FBXL7: variants seen among roughly 807,000 people sequenced by gnomAD.
FBXL7 encodes the protein F-box/LRR-repeat protein 7.
FBXL7 carries 12 observed loss-of-function variants against 38.3 expected under a neutral mutation model. The observed-to-expected ratio is 0.31, with a 90% CI of 0.20 to 0.51. The LOEUF is 0.51. FBXL7 is among the 20% of genes least tolerant of loss of function. FBXL7 has a pLI of 0.98. For synonymous variants in FBXL7, 297 were observed against 300.9 expected (o/e 0.99, Z 0.13); for missense variants, 567 against 676.4 (o/e 0.84, Z 1.79).
chr5:15,804,747 C>G (rs1026939187), intron 2 of FBXL7, among the ~76,000 whole-genome samples: 1 of 152,096 alleles, frequency 6.6e-6, no homozygotes, highest in African/African-American at 2.4e-5. Flanking sequence ...TGATTGTGAA[C>G]TGCACATGTG....
chr5:15,929,719 G>A (rs1285016510), intron 3 of FBXL7, among the ~76,000 whole-genome samples: 1 of 151,808 alleles, frequency 6.6e-6, no homozygotes. Context: ...TTAAAGCCCA[G>A]ACTCACACTT....
chr5:15,873,911 T>C (rs1579551987), intron 2 of FBXL7, among the ~76,000 whole-genome samples: 2 of 152,260 alleles, frequency 1.3e-5, no homozygotes, highest in East Asian at 1.9e-4. Flanking sequence ...CCCTAACTCA[T>C]TTTTTATGAG....
chr5:15,897,094 C>T (rs982062209), intron 2 of FBXL7, among the ~76,000 whole-genome samples: 4 of 152,160 alleles, frequency 2.6e-5, no homozygotes, highest in African/African-American at 9.7e-5. Context: ...GATTGTGCCA[C>T]TGCACTCCAG....
chr5:15,755,930 A>G (rs1211267770), intron 2 of FBXL7, among the ~76,000 whole-genome samples: 1 of 152,232 alleles, frequency 6.6e-6, no homozygotes, highest in Non-Finnish European at 1.5e-5. Context: ...GCAGTGGAGG[A>G]GAAGTCAGAG....
rs911692193 is a variant in FBXL7 at position 15,937,681 on chromosome 5, G to A, written c.*495G>A. The A allele has an allele frequency of 6.3e-6, 1 of 158,650 alleles. No individual in the cohort carries two copies. The highest frequency in any genetic ancestry group is 1.4e-5 in the Non-Finnish European group (1 of 71,760). 9.8% of individuals were successfully genotyped at this position (158,650 alleles called of 1,614,324 possible). ...CACTCTCTTCAATCCCACACCCATGGACATTCTTGTCAACTCAATACCATA... is the reference window on the plus strand; with the variant it reads ...CACTCTCTTCAATCCCACACCCATGAACATTCTTGTCAACTCAATACCATA... On this transcript the variant is annotated 3_prime_UTR_variant, in exon 4 of 4. Coordinates refer to ENST00000504595, the MANE Select transcript of FBXL7 (RefSeq NM_012304.5).
intron 2 of FBXL7, among the ~76,000 whole-genome samples, chr5:15,916,276 A>G (rs1190678028): frequency 1.3e-5 from 2 of 152,174 alleles, no homozygotes; most frequent in Admixed American, 6.5e-5. Context: ...TTAATTTCCA[A>G]TAGTCACCTG....
intron 1 of FBXL7, among the ~76,000 whole-genome samples, chr5:15,527,141 G>C (rs529387091): frequency 6.6e-6 from 1 of 152,094 alleles, no homozygotes; most frequent in African/African-American, 2.4e-5. Context: ...TTCAGCTTTT[G>C]TTTTGTTTTG....
At chr5:15,782,919 A>G (rs1322832135) in intron 2 of FBXL7, among the ~76,000 whole-genome samples, 1 of 152,176 alleles carries the variant, frequency 6.6e-6, no homozygotes, top group Non-Finnish European at 1.5e-5. Flanking sequence ...TTTATTTAGT[A>G]GAATGGCCAG....
chr5:15,851,829 C>T (rs1206751989), intron 2 of FBXL7, among the ~76,000 whole-genome samples: 1 of 145,086 alleles, frequency 6.9e-6, no homozygotes, highest in African/African-American at 2.7e-5. Flanking sequence ...CACACACACA[C>T]ACACACACAC....
intron 2 of FBXL7, among the ~76,000 whole-genome samples, chr5:15,838,998 TTAA>T (rs1738670297): frequency 6.6e-6 from 1 of 152,210 alleles, no homozygotes; most frequent in East Asian, 1.9e-4. Context: ...TTGTTTGTTT[TTAA>T]AACCTTTTCA....
intron 3 of FBXL7, among the ~76,000 whole-genome samples, chr5:15,929,625 GAAAA>G (rs60269538): frequency 0.28 from 31,145 of 113,118 alleles, 3,357 homozygotes; most frequent in Admixed American, 0.37. Context: ...CCCTGTCTCT[GAAAA>G]AAAAAAAAAA....
chr5:15,848,375 G>A (rs1192606036), intron 2 of FBXL7, among the ~76,000 whole-genome samples: 4 of 151,812 alleles, frequency 2.6e-5, no homozygotes, highest in African/African-American at 9.7e-5. Flanking sequence ...GTATATGCAT[G>A]CATGCATTTT....
chr5:15,541,443 G>GTGTATA lies in FBXL7; in HGVS notation c.37+40731_37+40732insGTATAT, dbSNP rs1264820921. Among the ~76,000 whole-genome samples the GTGTATA allele has an allele frequency of 1.8e-3, 69 of 38,434 alleles. 1 individual carries two copies. The highest frequency in any genetic ancestry group is 4.6e-3 in the East Asian group (6 of 1,308). 25.2% of individuals were successfully genotyped at this position (38,434 alleles called of 152,430 possible). A position where few individuals can be genotyped will look rare whatever the true frequency, so the allele number is the denominator to read the frequency against. On this transcript the variant is annotated intron_variant, in intron 1 of 3. Transcript: ENST00000504595. Reference sequence around the variant, plus strand: ...ACATATAGTATATATGTGTGTGTGTGTATATATATATATATATATATATAT... The same window carrying GTGTATA: ...ACATATAGTATATATGTGTGTGTGTGTGTATATATATATATATATATATATATATAT...
chr5:15,839,992 A>G (rs150501117), intron 2 of FBXL7, among the ~76,000 whole-genome samples: 1,783 of 152,294 alleles, frequency 0.012, 16 homozygotes, highest in Admixed American at 0.018. Flanking sequence ...TGAATAAACC[A>G]TTTTTGTCCA....
intron 2 of FBXL7, among the ~76,000 whole-genome samples, chr5:15,801,656 T>TGC (rs200772597): frequency 1.1e-3 from 160 of 147,020 alleles, no homozygotes; most frequent in South Asian, 2.6e-3. Context: ...TGTGTGTGTG[T>TGC]GCGCGCGCGC....
At chr5:15,765,405 G>C (rs1736559201) in intron 2 of FBXL7, among the ~76,000 whole-genome samples, 1 of 152,070 alleles carries the variant, frequency 6.6e-6, no homozygotes. Flanking sequence ...ATCAAGCAGA[G>C]ACTTTAGTGT....
intron 2 of FBXL7, among the ~76,000 whole-genome samples, chr5:15,701,554 G>T (rs1366228397): frequency 6.6e-6 from 1 of 152,026 alleles, no homozygotes; most frequent in Non-Finnish European, 1.5e-5. Flanking sequence ...ACATTTACTG[G>T]ATACATATAA....
At chr5:15,530,461 G>T (rs1048272023) in intron 1 of FBXL7, among the ~76,000 whole-genome samples, 1 of 152,134 alleles carries the variant, frequency 6.6e-6, no homozygotes, top group Non-Finnish European at 1.5e-5. Context: ...CCTAGATCTT[G>T]TTCTTAGTAT....
chr5:15,810,387 C>T (rs930326674), intron 2 of FBXL7, among the ~76,000 whole-genome samples: 2 of 151,920 alleles, frequency 1.3e-5, no homozygotes, highest in Non-Finnish European at 2.9e-5. Flanking sequence ...ATGGTGAAAC[C>T]TTGTCTCTAC....
Sources: gnomAD v4.1 joint callset for allele counts (sites outside exome capture counted in the v4.1 genomes callset) on GRCh38, gnomAD v4.1.1 for gene constraint, MANE v1.5 for transcripts, NCBI Gene and HGNC (gene_info 2026-07-23, HGNC 2026-07-21) for gene names.